The following SEMA3E variants were observed in gnomAD, a reference collection of about 807,000 sequenced individuals.
SEMA3E encodes the protein semaphorin-3E.
SEMA3E carries 49 observed loss-of-function variants against 93.6 expected under a neutral mutation model. The ratio of observed to expected loss-of-function variants is 0.52; its 90% CI spans 0.42 to 0.66. The LOEUF is 0.66. Among genes scored for constraint, SEMA3E ranks in the 30% least tolerant of loss-of-function variants. The pLI, the probability that SEMA3E is intolerant of heterozygous loss-of-function variation, is 0.00. For missense variants in SEMA3E, 906 were observed against 964.8 expected, an observed-to-expected ratio of 0.94 and a Z score of 0.81; for synonymous variants, 363 against 330.7, an observed-to-expected ratio of 1.10 and a Z score of -1.06.
intron 4 of SEMA3E, among the ~76,000 whole-genome samples, chr7:83,456,599 T>TTTAG (rs1789484335): frequency 1.4e-4 from 1 of 7,108 alleles, no homozygotes; most frequent in Non-Finnish European, 0.014. Flanking sequence ...CTCTATTTTA[T>TTTAG]TTATTTATTT....
chr7:83,420,773 G>A (rs1018002882), intron 4 of SEMA3E, among the ~76,000 whole-genome samples: 3 of 152,164 alleles, frequency 2.0e-5, no homozygotes, highest in African/African-American at 4.8e-5. Context: ...CTAGCCATAC[G>A]CAGAAGAATG....
At chr7:83,610,651 C>A (rs1793232899) in intron 1 of SEMA3E, among the ~76,000 whole-genome samples, 1 of 151,944 alleles carries the variant, frequency 6.6e-6, no homozygotes, top group Admixed American at 6.6e-5. Flanking sequence ...TCCTAAAGCC[C>A]AATACCTCAG....
At chr7:83,498,134 A>G (rs71557174) in intron 1 of SEMA3E, among the ~76,000 whole-genome samples, 10 of 152,132 alleles carry the variant, frequency 6.6e-5, no homozygotes, top group Non-Finnish European at 1.2e-4. Context: ...TTGTAACAAT[A>G]CAGTATATAA....
chr7:83,407,942 ATGAATGTCTAG>A (rs1788359729), intron 6 of SEMA3E, among the ~76,000 whole-genome samples: 1 of 152,150 alleles, frequency 6.6e-6, no homozygotes, highest in African/African-American at 2.4e-5. Flanking sequence ...CTCTGTATCA[ATGAATGTCTAG>A]TGACTTTCCT....
chr7:83,484,524 C>A (rs116265103), intron 2 of SEMA3E, among the ~76,000 whole-genome samples: 2,034 of 152,234 alleles, frequency 0.013, 55 homozygotes, highest in African/African-American at 0.046. Context: ...TCTGATGTTA[C>A]TTTACCAGTT....
chr7:83,580,827 G>C (rs1250381168), intron 1 of SEMA3E, among the ~76,000 whole-genome samples: 1 of 151,670 alleles, frequency 6.6e-6, no homozygotes, highest in South Asian at 2.1e-4. Context: ...CAAATATAAG[G>C]CACTAAATGC....
rs1002077902 is a variant in SEMA3E, at chr7:83,418,547, G to C, written c.457-64C>G. 4.5e-6 allele frequency: 5 copies of C among 1,113,258 alleles called. No individual in the cohort carries two copies. In the Admixed American group the frequency reaches 9.6e-5, roughly 21 times the overall value. 69.0% of individuals were successfully genotyped at this position (1,113,258 alleles called of 1,614,324 possible). A position where few individuals can be genotyped will look rare whatever the true frequency, so the allele number is the denominator to read the frequency against. On this transcript the variant is annotated intron_variant, in intron 4 of 16. Transcript: ENST00000643230. ...CCTCTAATAATCATTTAATTCCTTA[G>C]GTAAAACATATGAAACTTCGATTAT... is the stretch of plus-strand genomic sequence containing the variant.
At chr7:83,480,723 A>G (rs1250753155) in intron 2 of SEMA3E, among the ~76,000 whole-genome samples, 1 of 152,156 alleles carries the variant, frequency 6.6e-6, no homozygotes, top group East Asian at 1.9e-4. Context: ...GTCTTCTTAG[A>G]CTTAAGTTCA....
At chr7:83,447,245 G>A (rs1789250561) in intron 4 of SEMA3E, among the ~76,000 whole-genome samples, 1 of 152,082 alleles carries the variant, frequency 6.6e-6, no homozygotes, top group African/African-American at 2.4e-5. Flanking sequence ...AAAACTCTAT[G>A]CAACATTTTG....
chr7:83,577,227 G>A (rs148713092), intron 1 of SEMA3E, among the ~76,000 whole-genome samples: 16 of 152,282 alleles, frequency 1.1e-4, no homozygotes, highest in South Asian at 6.2e-4. Context: ...CAGATAGATA[G>A]ATAGACAGAT....
intron 3 of SEMA3E, 86 bp from the exon 4 acceptor site, chr7:83,466,687 A>C: frequency 6.5e-7 from 1 of 1,529,022 alleles, no homozygotes; most frequent in Non-Finnish European, 8.9e-7. Flanking sequence ...TAGCCCTAGA[A>C]AGCTCATGTT....
At chr7:83,600,774 C>T (rs541373934) in intron 1 of SEMA3E, among the ~76,000 whole-genome samples, 4 of 151,906 alleles carry the variant, frequency 2.6e-5, no homozygotes, top group Non-Finnish European at 5.9e-5. Context: ...ATGGGTGGAA[C>T]GTGATGTTGT....
chr7:83,598,465 A>G (rs1465274364), intron 1 of SEMA3E, among the ~76,000 whole-genome samples: 1 of 152,216 alleles, frequency 6.6e-6, no homozygotes, highest in African/African-American at 2.4e-5. Flanking sequence ...AATTGAATAT[A>G]GTGGCTTTTA....
chr7:83,559,693 G>A (rs980586888), intron 1 of SEMA3E, among the ~76,000 whole-genome samples: 91 of 151,986 alleles, frequency 6.0e-4, no homozygotes, highest in African/African-American at 2.0e-3. Context: ...CATTCTTACC[G>A]TACAATCCAG....
At chr7:83,510,903 G>A (rs1467348322) in intron 1 of SEMA3E, among the ~76,000 whole-genome samples, 3 of 152,162 alleles carry the variant, frequency 2.0e-5, no homozygotes, top group African/African-American at 7.2e-5. Flanking sequence ...TAATGCTCAA[G>A]AAAATAATTA....
At chr7:83,592,181 G>A (rs10249460) in intron 1 of SEMA3E, among the ~76,000 whole-genome samples, 35,159 of 151,790 alleles carry the variant, frequency 0.23, 4,108 homozygotes, top group Middle Eastern at 0.3. Flanking sequence ...TTTTTTAAAT[G>A]TTATTTACAT....
intron 1 of SEMA3E, chr7:83,616,806 C>T (rs1793376731): frequency 4.9e-6 from 2 of 409,404 alleles, no homozygotes; most frequent in Admixed American, 2.9e-5. Flanking sequence ...CTCACTACAA[C>T]CTCCACCTCC....
At chr7:83,391,996 C>T (rs1788028155) in intron 14 of SEMA3E, among the ~76,000 whole-genome samples, 2 of 152,132 alleles carry the variant, frequency 1.3e-5, no homozygotes, top group Non-Finnish European at 2.9e-5. Flanking sequence ...CTTCAAAATA[C>T]TTAACTGCAC....
intron 1 of SEMA3E, among the ~76,000 whole-genome samples, chr7:83,545,373 A>G (rs1791623043): frequency 6.6e-6 from 1 of 151,966 alleles, no homozygotes; most frequent in Non-Finnish European, 1.5e-5. Flanking sequence ...TCCAGGCCAC[A>G]GTGATTTTTA....
Sources: gnomAD v4.1 joint callset for allele counts (sites outside exome capture counted in the v4.1 genomes callset) on GRCh38, gnomAD v4.1.1 for gene constraint, MANE v1.5 for transcripts, NCBI Gene and HGNC (gene_info 2026-07-23, HGNC 2026-07-21) for gene names.